The following PLCB1 variants were observed in gnomAD, a reference collection of about 807,000 sequenced individuals.
PLCB1 encodes phospholipase C beta 1, also known as 1-phosphatidylinositol 4,5-bisphosphate phosphodiesterase beta-1.
In PLCB1, 46 loss-of-function variants were observed where a neutral mutation model predicts 161.8. That is an observed-to-expected ratio of 0.28 (90% CI 0.22 to 0.36). The LOEUF (loss-of-function observed/expected upper bound fraction) is 0.36. Ranked by LOEUF, PLCB1 falls within the 10% of genes least tolerant of loss-of-function variation. The pLI is 1.00. For synonymous variants in PLCB1, 517 were observed against 503.7 expected (o/e 1.03, Z -0.35); for missense variants, 1,016 against 1,472.5 (o/e 0.69, Z 5.07).
chr20:8,645,187 C>T (rs546082883), intron 4 of PLCB1, among the ~76,000 whole-genome samples: 3 of 148,164 alleles, frequency 2.0e-5, no homozygotes, highest in South Asian at 2.2e-4. Flanking sequence ...CTGCAGGGTC[C>T]TCTGCCTAGG....
At chr20:8,432,153 A>G (rs570100718) in intron 3 of PLCB1, among the ~76,000 whole-genome samples, 41 of 152,220 alleles carry the variant, frequency 2.7e-4, no homozygotes, top group South Asian at 1.0e-3. Context: ...GACAATCTGA[A>G]GCGTGAGGAG....
intron 3 of PLCB1, among the ~76,000 whole-genome samples, chr20:8,600,403 A>C (rs1192002879): frequency 2.2e-5 from 3 of 137,158 alleles, no homozygotes; most frequent in Admixed American, 7.1e-5. Context: ...CCTCCCAGTT[A>C]GGCTGCTCGG....
At chr20:8,632,587 A>G (rs1022612733) in intron 4 of PLCB1, among the ~76,000 whole-genome samples, 9 of 152,158 alleles carry the variant, frequency 5.9e-5, no homozygotes, top group Non-Finnish European at 1.3e-4. Context: ...GGAAAAGGGC[A>G]TTAAATAGGG....
intron 2 of PLCB1, among the ~76,000 whole-genome samples, chr20:8,253,213 C>T (rs1981247360): frequency 6.6e-6 from 1 of 150,976 alleles, no homozygotes; most frequent in Non-Finnish European, 1.5e-5. Flanking sequence ...TAAGGGCATC[C>T]TTCAGCCAAT....
rs763275570 is a variant in PLCB1 at position 8,729,213 on chromosome 20, A to G, written c.1888+39A>G. Reference sequence around the variant, plus strand: ...TGTTCCCATTCTGCTATGAACTCACATTGCCAAGTGTCCAAAAACCATTCT... The same window carrying G: ...TGTTCCCATTCTGCTATGAACTCACGTTGCCAAGTGTCCAAAAACCATTCT... On this transcript the variant is annotated intron_variant, in intron 18 of 31. Transcript: ENST00000338037. 79 of 1,525,158 alleles carry G rather than the reference A, an allele frequency of 5.2e-5. 1 individual carries two copies. The highest frequency in any genetic ancestry group is 6.7e-5 in the Non-Finnish European group (76 of 1,131,308). 94.5% of individuals were successfully genotyped at this position (1,525,158 alleles called of 1,614,324 possible). A position where few individuals can be genotyped will look rare whatever the true frequency, so the allele number is the denominator to read the frequency against.
intron 12 of PLCB1, among the ~76,000 whole-genome samples, chr20:8,709,048 T>C (rs915169022): frequency 6.6e-5 from 10 of 152,214 alleles, no homozygotes; most frequent in Non-Finnish European, 1.5e-4. Context: ...GTCTCTGTTA[T>C]AGATTTGGGG....
chr20:8,416,202 CAAAAT>C (rs1979264316), intron 3 of PLCB1, among the ~76,000 whole-genome samples: 1 of 151,954 alleles, frequency 6.6e-6, no homozygotes, highest in Non-Finnish European at 1.5e-5. Context: ...TTTTTAGAAA[CAAAAT>C]AATGAGAAAA....
At chr20:8,750,887 G>C (rs1568584644) in intron 23 of PLCB1, 1 of 1,343,574 alleles carries the variant, frequency 7.4e-7, no homozygotes, top group Non-Finnish European at 1.0e-6. Context: ...CCCATGTGGT[G>C]CCCATCCAAA....
At chr20:8,323,356 G>A (rs138778933) in intron 2 of PLCB1, among the ~76,000 whole-genome samples, 1 of 152,206 alleles carries the variant, frequency 6.6e-6, no homozygotes, top group Non-Finnish European at 1.5e-5. Context: ...GTGGTTCTGT[G>A]GGTCAACTAG....
At chr20:8,726,809 G>T (rs73081932) in intron 16 of PLCB1, among the ~76,000 whole-genome samples, 3,450 of 152,194 alleles carry the variant, frequency 0.023, 58 homozygotes, top group Non-Finnish European at 0.034. Flanking sequence ...TGTTTTGAAA[G>T]ACCATAATTC....
intron 2 of PLCB1, among the ~76,000 whole-genome samples, chr20:8,267,863 C>T (rs1044399402): frequency 6.6e-6 from 1 of 151,942 alleles, no homozygotes; most frequent in African/African-American, 2.4e-5. Context: ...CAATCACTGG[C>T]TGAAGCAGAG....
intron 3 of PLCB1, among the ~76,000 whole-genome samples, chr20:8,507,773 G>T (rs1379143933): frequency 1.3e-5 from 2 of 151,810 alleles, no homozygotes; most frequent in African/African-American, 4.8e-5. Flanking sequence ...TTATAAAGAA[G>T]ATAAGAACGT....
intron 7 of PLCB1, chr20:8,651,430 G>A (rs1477965026): frequency 5.5e-6 from 4 of 725,428 alleles, no homozygotes. Context: ...AAGCTAATGA[G>A]GCTGCGAAAA....
At position 8,658,661 on chromosome 20, in the gene PLCB1, A is replaced by G; in HGVS notation, c.819A>G (p.Val273=). ...CTCTAAAACAAGAGCAAGTCCAAGT[A>G]TTGATTGAGAAGTATGAACCCAACA... ...YPPLKQEQVQ[V]LIEKYEPNNS... Residue 273 remains valine, a synonymous_variant, in exon 9 of 32, where the codon GTA becomes GTG. Transcript: ENST00000338037. 1 of 1,612,542 alleles carries G rather than the reference A, an allele frequency of 6.2e-7. No individual in the cohort carries two copies. The highest frequency in any genetic ancestry group is 1.3e-5 in the African/African-American group (1 of 74,918).
chr20:8,540,725 A>G (rs1441835435), intron 3 of PLCB1, among the ~76,000 whole-genome samples: 1 of 151,978 alleles, frequency 6.6e-6, no homozygotes, highest in African/African-American at 2.4e-5. Flanking sequence ...TGTCAGATAT[A>G]ACTGATGATT....
At chr20:8,345,382 G>C (rs1411861356) in intron 2 of PLCB1, among the ~76,000 whole-genome samples, 1 of 152,140 alleles carries the variant, frequency 6.6e-6, no homozygotes, top group Non-Finnish European at 1.5e-5. Context: ...GCTTAAAAGG[G>C]AGCCCAAACT....
rs752268619 is a variant in PLCB1, at chr20:8,629,817, T to TTTTC, written c.384+1444_384+1447dup. Among the ~76,000 whole-genome samples the TTTTC allele has an allele frequency of 9.9e-3, 959 of 96,892 alleles. 29 individuals are homozygous for TTTTC. Among genetic ancestry groups the TTTTC allele is most frequent in the Middle Eastern group, 0.029 (5 of 170 alleles). 63.6% of individuals were successfully genotyped at this position (96,892 alleles called of 152,430 possible). On this transcript the variant is annotated intron_variant, in intron 4 of 31. Coordinates refer to ENST00000338037, the MANE Select transcript of PLCB1 (RefSeq NM_015192.4). Reference sequence around the variant, plus strand: ...TTCTTTCTTTTCTTTCTTTTCTTTCTTTTCTTTCTTTCTTTCTTTCTTTCT... The same window carrying TTTTC: ...TTCTTTCTTTTCTTTCTTTTCTTTCTTTTCTTTCTTTCTTTCTTTCTTTCTTTCT...
At chr20:8,464,491 A>G (rs1200431929) in intron 3 of PLCB1, among the ~76,000 whole-genome samples, 1 of 152,026 alleles carries the variant, frequency 6.6e-6, no homozygotes, top group African/African-American at 2.4e-5. Context: ...TTTCATAACT[A>G]TCTTCTAGGT....
At chr20:8,239,514 G>C (rs940013277) in intron 2 of PLCB1, among the ~76,000 whole-genome samples, 22 of 151,512 alleles carry the variant, frequency 1.5e-4, no homozygotes, top group African/African-American at 5.3e-4. Context: ...AAAGTGTTAA[G>C]TTTTGTCTCT....
Sources: gnomAD v4.1 joint callset for allele counts (sites outside exome capture counted in the v4.1 genomes callset) on GRCh38, gnomAD v4.1.1 for gene constraint, MANE v1.5 for transcripts, NCBI Gene and HGNC (gene_info 2026-07-23, HGNC 2026-07-21) for gene names.